The following TPRG1 variants were observed in gnomAD, a reference collection of about 807,000 sequenced individuals.
TPRG1 encodes tumor protein p63-regulated gene 1 protein.
TPRG1 carries 29 observed loss-of-function variants against 29.3 expected under a neutral mutation model. That is an observed-to-expected ratio of 0.99 (90% confidence interval 0.74 to 1.35). TPRG1 has a LOEUF of 1.35. TPRG1 is among the 40% of genes most tolerant of loss of function. The probability of loss-of-function intolerance (pLI) is 0.00; values close to 1 mark genes in which losing one functional copy is unlikely to be tolerated. For synonymous variants in TPRG1, 130 were observed against 116.8 expected (o/e 1.11, Z -0.73); for missense variants, 327 against 335.0 (o/e 0.98, Z 0.19).
intron 4 of TPRG1, among the ~76,000 whole-genome samples, chr3:189,088,096 TATGGCCATTTTC>T (rs1718081180): frequency 2.6e-5 from 4 of 152,232 alleles, no homozygotes; most frequent in Admixed American, 2.0e-4. Context: ...CCTTTGGCAG[TATGGCCATTTTC>T]ATGATATTGA....
chr3:189,274,935 A>AGT (rs57386934), intron 4 of TPRG1, among the ~76,000 whole-genome samples: 24,819 of 137,454 alleles, frequency 0.18, 2,233 homozygotes, highest in Admixed American at 0.27. Context: ...TAATGTAATG[A>AGT]GTGTGTGTGT....
intron 4 of TPRG1, among the ~76,000 whole-genome samples, chr3:189,043,805 C>T (rs1334623825): frequency 6.6e-6 from 1 of 151,976 alleles, no homozygotes; most frequent in Non-Finnish European, 1.5e-5. Flanking sequence ...TGATCCAAAG[C>T]TTATTGGAGC....
intron 4 of TPRG1, among the ~76,000 whole-genome samples, chr3:189,283,804 G>T (rs1287085277): frequency 6.6e-6 from 1 of 152,192 alleles, no homozygotes; most frequent in Admixed American, 6.5e-5. Flanking sequence ...GAGGCACGAG[G>T]AGACTAAGTT....
chr3:189,009,482 G>A (rs848998), intron 3 of TPRG1, among the ~76,000 whole-genome samples: 135,033 of 152,098 alleles, frequency 0.89, 61,822 homozygotes, highest in Non-Finnish European at 1. Context: ...CTGCGAAATT[G>A]GATAAGTAAA....
intron 4 of TPRG1, among the ~76,000 whole-genome samples, chr3:189,283,041 C>T (rs1392192641): frequency 1.3e-5 from 2 of 152,052 alleles, no homozygotes; most frequent in Non-Finnish European, 2.9e-5. Context: ...TTATCATTAC[C>T]GAGTAAACCA....
chr3:189,309,715 G>T (rs1222360977), intron 4 of TPRG1, among the ~76,000 whole-genome samples: 1 of 152,142 alleles, frequency 6.6e-6, no homozygotes, highest in African/African-American at 2.4e-5. Context: ...AAATGACCAG[G>T]CCTGGGCTAT....
At chr3:189,071,217 T>C (rs1716795223) in intron 4 of TPRG1, among the ~76,000 whole-genome samples, 1 of 152,218 alleles carries the variant, frequency 6.6e-6, no homozygotes, top group Non-Finnish European at 1.5e-5. Flanking sequence ...GCCATCACTA[T>C]GTGTGGGTGG....
At chr3:189,103,857 C>T (rs977954204) in intron 1 of TPRG1, among the ~76,000 whole-genome samples, 16 of 152,120 alleles carry the variant, frequency 1.1e-4, no homozygotes, top group Non-Finnish European at 2.4e-4. Flanking sequence ...CTTCCTCTAG[C>T]TGGCAAAAAT....
chr3:189,179,187 A>G (rs554504167), intron 1 of TPRG1, among the ~76,000 whole-genome samples: 5 of 152,234 alleles, frequency 3.3e-5, no homozygotes, highest in African/African-American at 7.2e-5. Context: ...CACAGTTAAG[A>G]TTCTTTCTTT....
chr3:189,106,296 A>C (rs1290247128), intron 1 of TPRG1, among the ~76,000 whole-genome samples: 1 of 151,578 alleles, frequency 6.6e-6, no homozygotes, highest in African/African-American at 2.4e-5. Flanking sequence ...CCCTTCCCCC[A>C]CCCTGGGAAT....
At chr3:189,238,611 A>AGCCCCTCTC (rs1342414026) in intron 3 of TPRG1, 122 bp from the exon 4 acceptor site, 10 of 747,808 alleles carry the variant, frequency 1.3e-5, no homozygotes, top group South Asian at 2.1e-5. Context: ...GGTATTTCTC[A>AGCCCCTCTC]GCCCCTCTCT....
At position 189,215,282 on chromosome 3, in the gene TPRG1, T is replaced by C; in HGVS notation, c.211-10T>C. On this transcript the variant is annotated splice_polypyrimidine_tract_variant and intron_variant, in intron 2 of 5. Coordinates refer to ENST00000345063, the MANE Select transcript of TPRG1 (RefSeq NM_198485.4). ...TGCTCTAAACTAGGTATTTTCTCCT[T>C]TCCACACAGCCGGGGGCCATTGAGA... 6.2e-7 allele frequency: 1 copy of C among 1,607,254 alleles called. No individual in the cohort carries two copies. Among genetic ancestry groups the C allele is most frequent in the Non-Finnish European group, 8.5e-7 (1 of 1,177,640 alleles).
In TPRG1 at chr3:189,251,526, T is replaced by TGAACTCCCTAAG. The variant is rs1742259947; in HGVS notation, c.479+12619_479+12620insACTCCCTAAGGA. Among the ~76,000 whole-genome samples, 3 of 152,174 alleles carry TGAACTCCCTAAG rather than the reference T, an allele frequency of 2.0e-5. No individual in the cohort carries two copies. In the South Asian group the frequency reaches 6.2e-4, roughly 32 times the overall value. On this transcript the variant is annotated intron_variant, in intron 4 of 5. Coordinates refer to ENST00000345063, the MANE Select transcript of TPRG1 (RefSeq NM_198485.4). ...GCATACGGAGGATCCCGCCAGCCTC[T>TGAACTCCCTAAG]GAGTTCCCTTAGTATTTATTGATCA... is the stretch of plus-strand genomic sequence containing the variant.
chr3:189,181,244 T>C (rs1730178898), intron 1 of TPRG1, among the ~76,000 whole-genome samples: 1 of 152,204 alleles, frequency 6.6e-6, no homozygotes, highest in Non-Finnish European at 1.5e-5. Context: ...TTCCCCATTT[T>C]CTTGGGGATT....
At chr3:189,024,441 T>C (rs749174393) in intron 4 of TPRG1, among the ~76,000 whole-genome samples, 11 of 150,162 alleles carry the variant, frequency 7.3e-5, no homozygotes, top group Admixed American at 6.6e-5. Flanking sequence ...CAAAACTCTG[T>C]CTATATAATA....
upstream of TPRG1, among the ~76,000 whole-genome samples, chr3:189,099,877 G>C (rs879435650): frequency 2.6e-5 from 4 of 152,146 alleles, no homozygotes; most frequent in Non-Finnish European, 5.9e-5. Flanking sequence ...CAAACACTTA[G>C]AGGAGGCTCA....
At chr3:189,173,667 T>C (rs1410199029) in intron 1 of TPRG1, among the ~76,000 whole-genome samples, 2 of 152,130 alleles carry the variant, frequency 1.3e-5, no homozygotes, top group Admixed American at 6.5e-5. Flanking sequence ...TGAAGTGATA[T>C]GCACAAGTCA....
chr3:189,116,146 A>G (rs1450271789), intron 1 of TPRG1, among the ~76,000 whole-genome samples: 1 of 152,156 alleles, frequency 6.6e-6, no homozygotes, highest in South Asian at 2.1e-4. Flanking sequence ...TATATGTTCC[A>G]AAGAATTGAA....
intron 2 of TPRG1, 97 bp downstream of exon 2, chr3:189,207,691 T>G: frequency 8.7e-7 from 1 of 1,149,884 alleles, no homozygotes; most frequent in Non-Finnish European, 1.3e-6. Context: ...TGTACTCACA[T>G]TTGTCTCATG....
Sources: allele counts gnomAD v4.1 joint callset (sites outside exome capture counted in the v4.1 genomes callset), GRCh38; gene constraint gnomAD v4.1.1; transcripts MANE v1.5; gene names NCBI Gene and HGNC (gene_info 2026-07-23, HGNC 2026-07-21).